Variants in FHIP2B observed in about 807,000 individuals in gnomAD.
FHIP2B encodes the protein FHF complex subunit HOOK-interacting protein 2B.
Under a neutral mutation model 84.0 loss-of-function variants are expected in FHIP2B, and 72 were observed. That is an observed-to-expected ratio of 0.86 (90% CI 0.71 to 1.04). The LOEUF (loss-of-function observed/expected upper bound fraction) is 1.04. Ranked by LOEUF, FHIP2B falls within the 50% of genes least tolerant of loss-of-function variation. The pLI is 0.00. For synonymous variants in FHIP2B, 497 were observed against 418.7 expected (o/e 1.19, Z -2.28); for missense variants, 972 against 968.9 (o/e 1.00, Z -0.04).
chr8:22,096,411 G>T lies in FHIP2B; in HGVS notation c.199G>T (p.Glu67Ter). The T allele has an allele frequency of 6.4e-7, 1 of 1,557,958 alleles. No homozygotes were observed. Among genetic ancestry groups the T allele is most frequent in the South Asian group, 1.2e-5 (1 of 84,232 alleles). ...GATGCTGGATATCCTGGTGTATGAA[G>T]AGCAGCAGCAGGCGGCCGCGGGTGA... ...KQMLDILVYEEQQQAAAGEAG... is the reference protein window; with the variant it reads ...KQMLDILVYE Residue 67 changes from glutamate to a stop codon, truncating the protein, a stop_gained, in exon 3 of 17, where the codon GAG (glutamate) becomes TAG (stop). Transcript: ENST00000289921. LOFTEE classifies it high-confidence loss of function.
intron 10 of FHIP2B, 132 bp from the exon 11 acceptor site, chr8:22,100,462 G>GC: frequency 9.7e-7 from 1 of 1,029,268 alleles, no homozygotes; most frequent in Non-Finnish European, 1.3e-6. Flanking sequence ...CCCAAAACCT[G>GC]CCACCTTAGC....
chr8:22,100,027 C>G lies in FHIP2B; in HGVS notation c.1341+134C>G, dbSNP rs1368318565. On this transcript the variant is annotated intron_variant, in intron 10 of 16. Transcript: ENST00000289921. The stretch of plus-strand genomic sequence containing the variant: ...CACTGAACTGCAAAACACTGCCGAG[C>G]CACTTTTATCACACACTAATTTTCT... 5.7e-6 allele frequency: 5 copies of G among 873,566 alleles called. No individual in the cohort carries two copies. The African/African-American group carries it at 8.9e-5, about 16-fold the overall frequency. The allele number at this position is 873,566 out of a possible 1,614,324, so 54.1% of individuals were successfully genotyped here. A position where few individuals can be genotyped will look rare whatever the true frequency, so the allele number is the denominator to read the frequency against.
intron 14 of FHIP2B, 43 bp downstream of exon 14, chr8:22,101,894 T>C (rs1170066515): frequency 6.2e-7 from 1 of 1,600,474 alleles, no homozygotes; most frequent in South Asian, 1.1e-5. Flanking sequence ...GGCTGGTGCC[T>C]CTGGGGTCCT....
At chr8:22,096,246 C>T in intron 2 of FHIP2B, 91 bp from the exon 3 acceptor site, 1 of 1,309,704 alleles carries the variant, frequency 7.6e-7, no homozygotes, top group Admixed American at 2.8e-5. Flanking sequence ...ACAGGACCTC[C>T]CCTTTCTGGG....
At chr8:22,100,438 A>T in intron 10 of FHIP2B, 156 bp from the exon 11 acceptor site, 1 of 693,978 alleles carries the variant, frequency 1.4e-6, no homozygotes, top group Non-Finnish European at 2.1e-6. Flanking sequence ...CTAGGCCCAC[A>T]CCCCCCAACT....
chr8:22,099,895 T>C lies in FHIP2B; in HGVS notation c.1341+2T>C, dbSNP rs1826011544. ...CATTGTGACCACCTCTCTGATGAGGTACAGTGGGGGACCTCCATCTCTGTT... is the reference window on the plus strand; with the variant it reads ...CATTGTGACCACCTCTCTGATGAGGCACAGTGGGGGACCTCCATCTCTGTT... On this transcript the variant is annotated splice_donor_variant, in intron 10 of 16. Transcript: ENST00000289921. LOFTEE classifies it high-confidence loss of function. 1 of 1,603,194 alleles carries C rather than the reference T, an allele frequency of 6.2e-7. No homozygotes were observed.
intron 2 of FHIP2B, chr8:22,095,388 C>T (rs1825706509): frequency 6.6e-6 from 1 of 152,268 alleles, no homozygotes; most frequent in Admixed American, 6.5e-5. Flanking sequence ...CTGGCCTCTA[C>T]CCACTAGGTG....
chr8:22,096,270 G>C, intron 2 of FHIP2B, 67 bp from the exon 3 acceptor site: 1 of 1,430,168 alleles, frequency 7.0e-7, no homozygotes, highest in South Asian at 1.5e-5. Context: ...TGGCAGGAGA[G>C]GGTGAAGTTT....
Position 22,099,368 on chromosome 8 carries a change from T to C in FHIP2B, c.1151+8T>C. Reference sequence around the variant, plus strand: ...GCCCCAGCTCCTGCACGTGTAAGTGTCTAGTTCCCTCAGGCATGACTGTGG... The same window carrying C: ...GCCCCAGCTCCTGCACGTGTAAGTGCCTAGTTCCCTCAGGCATGACTGTGG... On this transcript the variant is annotated splice_region_variant and intron_variant, in intron 9 of 16. Coordinates refer to ENST00000289921, the MANE Select transcript of FHIP2B (RefSeq NM_022749.7). 1 of 1,612,946 alleles carries C rather than the reference T, an allele frequency of 6.2e-7. No homozygotes were observed. The highest frequency in any genetic ancestry group is 8.5e-7 in the Non-Finnish European group (1 of 1,179,458).
chr8:22,097,866 G>C (rs142809271), intron 5 of FHIP2B, 27 bp downstream of exon 5: 18 of 1,608,322 alleles, frequency 1.1e-5, no homozygotes, highest in Non-Finnish European at 1.1e-5. Flanking sequence ...GGAACAGGAG[G>C]GGGAGGGCCC....
At chr8:22,098,707 AC>A (rs1455126424) in intron 7 of FHIP2B, 88 bp downstream of exon 7, 1 of 1,355,642 alleles carries the variant, frequency 7.4e-7, no homozygotes, top group Non-Finnish European at 9.9e-7. Context: ...CTGGGGTTCC[AC>A]GTTGCTAGGG....
In FHIP2B at chr8:22,098,131, A is replaced by C. The variant is rs1470016328; in HGVS notation, c.589A>C (p.Thr197Pro). The change falls in exon 6 of 17, where the codon ACC (threonine) becomes CCC (proline). Residue 197 changes from threonine (T) to proline (P), a missense_variant. Thr to Pro is a conservative substitution (Grantham distance 38). Transcript: ENST00000289921. ...GEPTALPKDT[T>P]SHGDKDCSHD... ...ACCCACTGCCCTGCCTAAGGACACA[A>C]CCAGCCACGGGGACAAGGACTGCTC... 6.3e-7 allele frequency: 1 copy of C among 1,583,582 alleles called. No homozygotes were observed. Among genetic ancestry groups the C allele is most frequent in the Non-Finnish European group, 8.6e-7 (1 of 1,165,398 alleles).
At position 22,100,713 on chromosome 8, in the gene FHIP2B, A is replaced by G; in HGVS notation, c.1461A>G (p.Pro487=). The G allele has an allele frequency of 6.2e-7, 1 of 1,603,550 alleles. No homozygotes were observed. The highest frequency in any genetic ancestry group is 1.7e-5 in the Admixed American group (1 of 59,058). The part of the protein sequence containing the change: ...EGRPYVAWGS[P]EPESYEDTLD... ...GCCCTTACGTGGCCTGGGGCTCACC[A>G]GAGCCTGAGAGCTATGAGGACACCC... The change falls in exon 11 of 17, where the codon CCA becomes CCG. Residue 487 remains proline, a synonymous_variant. Coordinates refer to ENST00000289921, the MANE Select transcript of FHIP2B (RefSeq NM_022749.7).
chr8:22,097,287 G>C lies in FHIP2B; in HGVS notation c.298-229G>C, dbSNP rs567638303. On this transcript the variant is annotated intron_variant, in intron 3 of 16. Coordinates refer to ENST00000289921, the MANE Select transcript of FHIP2B (RefSeq NM_022749.7). ...TGGGGGTGCAGTGTTCCAGGTGGGG[G>C]ACACAGCTCTGACAGGCGCTCTGTC... is the stretch of plus-strand genomic sequence containing the variant. 2.6e-5 allele frequency among the ~76,000 whole-genome samples: 4 copies of C among 152,236 alleles called. No individual in the cohort carries two copies. In the East Asian group the frequency reaches 7.7e-4, roughly 29 times the overall value.
At chr8:22,092,864 T>G (rs530431841) in intron 1 of FHIP2B, among the ~76,000 whole-genome samples, 1 of 152,212 alleles carries the variant, frequency 6.6e-6, no homozygotes, top group Non-Finnish European at 1.5e-5. Context: ...AGGTCACTAC[T>G]TTCCACCTCT....
intron 3 of FHIP2B, 49 bp from the exon 4 acceptor site, chr8:22,097,467 C>T (rs771394293): frequency 2.7e-6 from 4 of 1,499,500 alleles, no homozygotes; most frequent in East Asian, 2.5e-5. Context: ...GCCAGGCATG[C>T]GGCAGGCAGG....
At chr8:22,089,601 G>C (rs781381939) in intron 1 of FHIP2B, among the ~76,000 whole-genome samples, 4 of 151,978 alleles carry the variant, frequency 2.6e-5, no homozygotes, top group African/African-American at 7.2e-5. Flanking sequence ...CGCCTCCGCC[G>C]GGACGCTCCC....
At position 22,099,688 on chromosome 8, in the gene FHIP2B, T is replaced by C; in HGVS notation, c.1152-16T>C. The C allele has an allele frequency of 6.4e-7, 1 of 1,555,118 alleles. No homozygotes were observed. Among genetic ancestry groups the C allele is most frequent in the Non-Finnish European group, 8.6e-7 (1 of 1,156,694 alleles). ...CTGCACACACCGGGCCTGGCTAAGGTGCCCTCTTCCCGTAGGTCCGAGCAG... is the reference window on the plus strand; with the variant it reads ...CTGCACACACCGGGCCTGGCTAAGGCGCCCTCTTCCCGTAGGTCCGAGCAG... On this transcript the variant is annotated splice_polypyrimidine_tract_variant and intron_variant, in intron 9 of 16. Transcript: ENST00000289921.
rs765066689 is a variant in FHIP2B at position 22,099,864 on chromosome 8, A to T, written c.1312A>T (p.Ile438Phe). Residue 438 changes from isoleucine (I) to phenylalanine (F), a missense_variant, in exon 10 of 17, where the codon ATC (isoleucine) becomes TTC (phenylalanine). Transcript: ENST00000289921. ...DNPHTLYAHLIGHCDHLSDEI... is the reference protein window; with the variant it reads ...DNPHTLYAHLFGHCDHLSDEI... Reference sequence around the variant, plus strand: ...CCCCCACACCCTGTATGCTCATCTCATCGGGCATTGTGACCACCTCTCTGA... The same window carrying T: ...CCCCCACACCCTGTATGCTCATCTCTTCGGGCATTGTGACCACCTCTCTGA... 5 of 1,611,806 alleles carry T rather than the reference A, an allele frequency of 3.1e-6. No individual in the cohort carries two copies. The Admixed American group carries it at 5.0e-5, about 16-fold the overall frequency.
Sources: allele counts gnomAD v4.1 joint callset (sites outside exome capture counted in the v4.1 genomes callset), GRCh38; gene constraint gnomAD v4.1.1; transcripts MANE v1.5; gene names NCBI Gene and HGNC (gene_info 2026-07-23, HGNC 2026-07-21).